The following HTR4 variants were observed in gnomAD, a reference collection of about 807,000 sequenced individuals.
HTR4 encodes 5-hydroxytryptamine (serotonin) receptor 4, G protein-coupled.
In HTR4, 16 loss-of-function variants were observed where a neutral mutation model predicts 36.8. That is an observed-to-expected ratio of 0.43 (90% CI 0.29 to 0.66). The LOEUF (loss-of-function observed/expected upper bound fraction) is 0.66, where lower values mean the gene tolerates loss of function less well. Ranked by LOEUF, HTR4 falls within the 30% of genes least tolerant of loss-of-function variation. HTR4 has a pLI of 0.13. For missense variants in HTR4, 438 were observed against 490.9 expected, an observed-to-expected ratio of 0.89 and a Z score of 1.02; for synonymous variants, 189 against 185.1, an observed-to-expected ratio of 1.02 and a Z score of -0.17.
intron 1 of HTR4, among the ~76,000 whole-genome samples, chr5:148,644,422 G>GTTTTTTTTTTTTTTTTTTTTTT (rs1175588280): frequency 4.9e-5 from 2 of 40,584 alleles, no homozygotes; most frequent in African/African-American, 2.1e-4. Context: ...AAGCTCACAA[G>GTTTTTTTTTTTTTTTTTTTTTT]TTTTTTTTTT....
In HTR4 at chr5:148,483,211, C is replaced by A; in HGVS notation, c.1159G>T (p.Asp387Tyr). Residue 387 changes from aspartate (D) to tyrosine (Y), a missense_variant, in exon 7 of 7, where the codon GAC becomes TAC. Physicochemically the swap from Asp to Tyr is radical, Grantham distance 160. Coordinates refer to ENST00000377888, the MANE Select transcript of HTR4 (RefSeq NM_000870.7). The stretch of plus-strand genomic sequence containing the variant: ...GTCATTGTCCCAGGGGCCTAAGTGT[C>A]ACTGGGCTGAGCAGCCACCAAAGGA... ...TSPLVAAQPS[D>Y]T 1 of 1,614,020 alleles carries A rather than the reference C, an allele frequency of 6.2e-7. No homozygotes were observed. The highest frequency in any genetic ancestry group is 1.7e-4 in the Middle Eastern group (1 of 6,058).
intron 1 of HTR4, among the ~76,000 whole-genome samples, chr5:148,637,529 A>G (rs1235783365): frequency 6.6e-6 from 1 of 152,160 alleles, no homozygotes; most frequent in Non-Finnish European, 1.5e-5. Flanking sequence ...ACTCTTGAGA[A>G]CTGTCTGCCC....
intron 2 of HTR4, among the ~76,000 whole-genome samples, chr5:148,610,740 G>A (rs1222951785): frequency 2.7e-5 from 4 of 149,166 alleles, no homozygotes; most frequent in Non-Finnish European, 5.9e-5. Flanking sequence ...AGCTACGGGA[G>A]GACATTCAAA....
chr5:148,494,955 C>G (rs371365408), intron 6 of HTR4, among the ~76,000 whole-genome samples: 1 of 152,122 alleles, frequency 6.6e-6, no homozygotes, highest in African/African-American at 2.4e-5. Flanking sequence ...CAGGGATTAA[C>G]AGTGGATGAT....
chr5:148,637,150 C>G, intron 1 of HTR4, 89 bp from the exon 2 acceptor site: 1 of 809,988 alleles, frequency 1.2e-6, no homozygotes, highest in Non-Finnish European at 2.0e-6. Context: ...ATAACTATTG[C>G]TTCCTATTAT....
intron 2 of HTR4, among the ~76,000 whole-genome samples, chr5:148,605,063 A>G (rs1453137179): frequency 1.3e-5 from 2 of 152,094 alleles, no homozygotes; most frequent in Admixed American, 6.5e-5. Context: ...CAGACAGTAT[A>G]GGAACTGACT....
chr5:148,573,648 C>T (rs1377891798), intron 2 of HTR4, among the ~76,000 whole-genome samples: 1 of 152,014 alleles, frequency 6.6e-6, no homozygotes, highest in Admixed American at 6.6e-5. Context: ...CAATGAACAA[C>T]ATAATGAGCA....
chr5:148,468,395 C>A (rs1157085016), intron 5 of HTR4, among the ~76,000 whole-genome samples: 1 of 152,172 alleles, frequency 6.6e-6, no homozygotes, highest in Non-Finnish European at 1.5e-5. Context: ...GAACTCTTGG[C>A]TACTTAAAAT....
At chr5:148,610,158 T>C (rs1320023585) in intron 2 of HTR4, among the ~76,000 whole-genome samples, 1 of 152,166 alleles carries the variant, frequency 6.6e-6, no homozygotes, top group African/African-American at 2.4e-5. Flanking sequence ...TCAGCCCTCA[T>C]AGTCTTGTGG....
intron 6 of HTR4, among the ~76,000 whole-genome samples, chr5:148,485,699 GA>G (rs377432336): frequency 1.1e-4 from 16 of 152,218 alleles, no homozygotes; most frequent in East Asian, 7.7e-4. Context: ...TGTAAAGGGG[GA>G]AAAAATCCTG....
At chr5:148,599,913 A>T (rs1390998676) in intron 2 of HTR4, among the ~76,000 whole-genome samples, 4 of 151,962 alleles carry the variant, frequency 2.6e-5, no homozygotes, top group African/African-American at 4.8e-5. Context: ...TAATCTCTAT[A>T]ATAACCATTA....
chr5:148,618,469 G>A (rs1752789808), intron 2 of HTR4, among the ~76,000 whole-genome samples: 1 of 152,262 alleles, frequency 6.6e-6, no homozygotes, highest in South Asian at 2.1e-4. Context: ...GGATGCATTA[G>A]CAGGAGAGTG....
chr5:148,510,142 G>A, intron 5 of HTR4, 118 bp from the exon 6 acceptor site: 1 of 636,576 alleles, frequency 1.6e-6, no homozygotes, highest in Non-Finnish European at 2.7e-6. Context: ...AAGGAAGAAA[G>A]TGGAGGATTG....
At chr5:148,612,229 T>G (rs1408798647) in intron 2 of HTR4, among the ~76,000 whole-genome samples, 4 of 151,974 alleles carry the variant, frequency 2.6e-5, no homozygotes, top group African/African-American at 9.7e-5. Context: ...ATATACATTT[T>G]TTTCAGCACC....
intron 2 of HTR4, among the ~76,000 whole-genome samples, chr5:148,614,050 G>T (rs1226173007): frequency 6.6e-6 from 1 of 151,454 alleles, no homozygotes; most frequent in Non-Finnish European, 1.5e-5. Context: ...ACAAATGGAA[G>T]AACATTCTAT....
intron 4 of HTR4, among the ~76,000 whole-genome samples, chr5:148,535,956 G>A (rs1758799787): frequency 6.6e-6 from 1 of 152,070 alleles, no homozygotes; most frequent in South Asian, 2.1e-4. Flanking sequence ...AGATAAAAAT[G>A]AAAGAAAGAA....
intron 2 of HTR4, among the ~76,000 whole-genome samples, chr5:148,609,938 T>C (rs1752346696): frequency 4.8e-5 from 4 of 84,048 alleles, no homozygotes; most frequent in Non-Finnish European, 1.3e-4. Flanking sequence ...TCTTAGAAAC[T>C]TTTGAGTGAG....
chr5:148,478,687 T>C (rs376649453), downstream of HTR4, among the ~76,000 whole-genome samples: 17 of 152,156 alleles, frequency 1.1e-4, no homozygotes, highest in South Asian at 4.2e-4. Context: ...GATCCAGACC[T>C]ACCTATTCCC....
chr5:148,604,369 A>T (rs1752052049), intron 2 of HTR4, among the ~76,000 whole-genome samples: 1 of 152,282 alleles, frequency 6.6e-6, no homozygotes, highest in East Asian at 1.9e-4. Context: ...ATCTTCATAA[A>T]AAAAAAGATA....
Sources: allele counts gnomAD v4.1 joint callset (sites outside exome capture counted in the v4.1 genomes callset), GRCh38; gene constraint gnomAD v4.1.1; transcripts MANE v1.5; gene names NCBI Gene and HGNC (gene_info 2026-07-23, HGNC 2026-07-21).